MYBL1: variants seen among roughly 807,000 people sequenced by gnomAD.
The protein encoded by MYBL1 is myb-related protein A.
Under a neutral mutation model 96.3 loss-of-function variants are expected in MYBL1, and 17 were observed. The ratio of observed to expected loss-of-function variants is 0.18; its 90% CI spans 0.12 to 0.26. The LOEUF (loss-of-function observed/expected upper bound fraction) is 0.26, where lower values mean the gene tolerates loss of function less well. Ranked by LOEUF, MYBL1 falls within the 10% of genes least tolerant of loss-of-function variation. MYBL1 has a pLI of 1.00. For synonymous variants in MYBL1, 282 were observed against 292.7 expected, an observed-to-expected ratio of 0.96 and a Z score of 0.37; for missense variants, 701 against 882.9, an observed-to-expected ratio of 0.79 and a Z score of 2.61.
At chr8:66,574,792 C>T (rs529126461) in intron 10 of MYBL1, among the ~76,000 whole-genome samples, 3 of 152,294 alleles carry the variant, frequency 2.0e-5, no homozygotes, top group South Asian at 2.1e-4. Context: ...CAGTGGCTCA[C>T]GCCTGTAATC....
intron 4 of MYBL1, among the ~76,000 whole-genome samples, chr8:66,597,863 A>C (rs1473161567): frequency 6.6e-6 from 1 of 150,746 alleles, no homozygotes; most frequent in Non-Finnish European, 1.5e-5. Context: ...AAAAAAAAAA[A>C]AAAAAAAAAA....
At position 66,586,139 on chromosome 8, in the gene MYBL1, A is replaced by T. The variant is rs149994566; in HGVS notation, c.868-5773T>A. ...CAGCTCACTGCACCCTCCACCTCCC[A>T]GGCTCGAGCCATCCTCCCACCTCAG... On this transcript the variant is annotated intron_variant, in intron 8 of 15. Coordinates refer to ENST00000522677, the MANE Select transcript of MYBL1 (RefSeq NM_001080416.4). Among the ~76,000 whole-genome samples, 345 of 136,958 alleles carry T rather than the reference A, an allele frequency of 2.5e-3. 2 individuals carry two copies. The highest frequency in any genetic ancestry group is 9.3e-3 in the African/African-American group (330 of 35,584). 89.8% of individuals were successfully genotyped at this position (136,958 alleles called of 152,430 possible). A position where few individuals can be genotyped will look rare whatever the true frequency, so the allele number is the denominator to read the frequency against.
At chr8:66,598,815 C>A (rs901404417) in intron 4 of MYBL1, among the ~76,000 whole-genome samples, 13 of 152,058 alleles carry the variant, frequency 8.5e-5, no homozygotes, top group Admixed American at 2.6e-4. Context: ...AGTATTTTTC[C>A]TTCTGCAAAC....
chr8:66,583,731 T>C (rs909869751), intron 8 of MYBL1, among the ~76,000 whole-genome samples: 6 of 152,196 alleles, frequency 3.9e-5, no homozygotes, highest in African/African-American at 1.2e-4. Context: ...GATAAACTTC[T>C]GGATAGATAT....
intron 10 of MYBL1, 111 bp from the exon 11 acceptor site, chr8:66,573,617 T>C (rs991802102): frequency 3.9e-5 from 37 of 947,500 alleles, no homozygotes; most frequent in Non-Finnish European, 5.3e-5. Flanking sequence ...AAAAAAAGCT[T>C]ATGAATAATA....
Position 66,564,789 on chromosome 8 carries a change from T to A in MYBL1, c.2167A>T (p.Thr723Ser), listed in dbSNP as rs1030976894. 7 of 1,580,112 alleles carry A rather than the reference T, an allele frequency of 4.4e-6. No homozygotes were observed. The African/African-American group carries it at 8.1e-5, about 18-fold the overall frequency. ...CEWETVVYGKTEDQLIMTEQA... is the reference protein window; with the variant it reads ...CEWETVVYGKSEDQLIMTEQA... ...TCAGTCATAATAAGTTGGTCTTCTGTCTTCCCATAAACCACTGTTTCCCAT... is the reference window on the plus strand; with the variant it reads ...TCAGTCATAATAAGTTGGTCTTCTGACTTCCCATAAACCACTGTTTCCCAT... Residue 723 changes from threonine (T) to serine (S), a missense_variant, in exon 16 of 16, where the codon ACA becomes TCA. Thr to Ser is a moderately conservative substitution (Grantham distance 58). This residue lies in a region of MYBL1 where 137 missense variants were observed against 137.5 expected (regional missense o/e 1.00). Transcript: ENST00000522677.
rs754756792 is a variant in MYBL1 at position 66,566,871 on chromosome 8, A to G, written c.1845+5T>C. ...CTTTTATTAACAATAATACTAGAAG[A>G]TTACCTCTTGTTTGCAGCTTTTGTA... On this transcript the variant is annotated splice_donor_5th_base_variant and intron_variant, in intron 13 of 15. Transcript: ENST00000522677. 1 of 1,602,202 alleles carries G rather than the reference A, an allele frequency of 6.2e-7. No homozygotes were observed. The highest frequency in any genetic ancestry group is 8.5e-7 in the Non-Finnish European group (1 of 1,169,970).
At position 66,593,104 on chromosome 8, in the gene MYBL1, T is replaced by C. The variant is rs1314490488; in HGVS notation, c.762+16A>G. Reference sequence around the variant, plus strand: ...TGAACACATTTCCTTTGGTTTTCGTTATAAATAAAAGTTACCTGAATAAAG... The same window carrying C: ...TGAACACATTTCCTTTGGTTTTCGTCATAAATAAAAGTTACCTGAATAAAG... On this transcript the variant is annotated intron_variant, in intron 7 of 15. Coordinates refer to ENST00000522677, the MANE Select transcript of MYBL1 (RefSeq NM_001080416.4). The C allele has an allele frequency of 1.3e-5, 20 of 1,516,868 alleles. No homozygotes were observed. The highest frequency in any genetic ancestry group is 1.8e-5 in the Non-Finnish European group (20 of 1,115,418). The allele number at this position is 1,516,868 out of a possible 1,614,324, so 94.0% of individuals were successfully genotyped here.
Position 66,573,473 on chromosome 8 carries a change from T to G in MYBL1, c.1504A>C (p.Asn502His), listed in dbSNP as rs1454910559. The change falls in exon 11 of 16, where the codon AAT becomes CAT. Residue 502 changes from asparagine (N) to histidine (H), a missense_variant. Around this residue, in one of 5 missense-constraint regions of MYBL1, gnomAD observed 396 missense variants for 407.4 expected, o/e 0.97. Transcript: ENST00000522677. ...FNTCPGNEQL[N>H]IENPSFTSTP... ...GATGTAAATGAAGGATTTTCTATAT[T>G]AAGTTGTTCATTACCAGGACATGTG... 1 of 1,610,128 alleles carries G rather than the reference T, an allele frequency of 6.2e-7. No homozygotes were observed. The highest frequency in any genetic ancestry group is 8.5e-7 in the Non-Finnish European group (1 of 1,178,256).
At chr8:66,596,300 T>C (rs1586588957) in intron 5 of MYBL1, among the ~76,000 whole-genome samples, 1 of 152,312 alleles carries the variant, frequency 6.6e-6, no homozygotes, top group South Asian at 2.1e-4. Context: ...GTATTCTTTT[T>C]CACTTCTTAG....
intron 12 of MYBL1, among the ~76,000 whole-genome samples, chr8:66,570,327 T>C (rs76670979): frequency 2.0e-5 from 3 of 150,952 alleles, no homozygotes; most frequent in East Asian, 1.9e-4. Context: ...TTTTTTTTTT[T>C]CAAACAGAGC....
chr8:66,607,021 G>A (rs1810342240), intron 1 of MYBL1, among the ~76,000 whole-genome samples: 1 of 151,940 alleles, frequency 6.6e-6, no homozygotes, highest in Non-Finnish European at 1.5e-5. Flanking sequence ...TCGAACTCCT[G>A]ACCTCAGGTG....
intron 1 of MYBL1, among the ~76,000 whole-genome samples, chr8:66,610,503 T>C (rs906222369): frequency 6.6e-6 from 1 of 152,034 alleles, no homozygotes; most frequent in African/African-American, 2.4e-5. Flanking sequence ...TAGTTTTCAC[T>C]TGAACGCTTA....
intron 12 of MYBL1, 31 bp from the exon 13 acceptor site, chr8:66,567,023 T>G (rs1459288978): frequency 6.9e-7 from 1 of 1,449,410 alleles, no homozygotes; most frequent in Non-Finnish European, 9.6e-7. Context: ...TTGTAAAAAG[T>G]CATTTATAGC....
At chr8:66,596,090 T>TA (rs1809839540) in intron 5 of MYBL1, among the ~76,000 whole-genome samples, 1 of 151,744 alleles carries the variant, frequency 6.6e-6, no homozygotes, top group Non-Finnish European at 1.5e-5. Flanking sequence ...AATAAATGAA[T>TA]AAAAAATTCA....
chr8:66,602,330 C>T (rs916258823), intron 2 of MYBL1, 88 bp downstream of exon 2: 11 of 831,782 alleles, frequency 1.3e-5, no homozygotes, highest in South Asian at 6.5e-5. Flanking sequence ...GGATTACAGG[C>T]GTGAGCCACC....
At chr8:66,577,616 G>A (rs1181695840) in intron 9 of MYBL1, among the ~76,000 whole-genome samples, 9 of 151,978 alleles carry the variant, frequency 5.9e-5, no homozygotes, top group African/African-American at 1.7e-4. Flanking sequence ...ATGCTCATGG[G>A]TAGGAAGAAT....
Position 66,580,204 on chromosome 8 carries a change from C to G in MYBL1, c.1030G>C (p.Glu344Gln). 1.2e-6 allele frequency: 2 copies of G among 1,613,914 alleles called. No individual in the cohort carries two copies. The highest frequency in any genetic ancestry group is 1.7e-6 in the Non-Finnish European group (2 of 1,179,866). The change falls in exon 9 of 16, where the codon GAG becomes CAG. Residue 344 changes from glutamate to glutamine, a missense_variant. Transcript: ENST00000522677. ...AAAGAGGATAACACAGCGTTTGCCT[C>G]CACGGCCAGGAACTTTGTGGGTGAA... is the stretch of plus-strand genomic sequence containing the variant. ...QNSPTKFLAV[E>Q]ANAVLSSLQT... is the part of the protein sequence containing the mutation.
intron 1 of MYBL1, among the ~76,000 whole-genome samples, chr8:66,608,609 T>C (rs967099346): frequency 6.6e-6 from 1 of 152,114 alleles, no homozygotes; most frequent in Non-Finnish European, 1.5e-5. Flanking sequence ...ACTGCACCAA[T>C]ATCCCACTTT....
Sources: gnomAD v4.1 joint callset for allele counts (sites outside exome capture counted in the v4.1 genomes callset) on GRCh38, gnomAD v4.1.1 for gene constraint, gnomAD v4.1.1 regional missense constraint, MANE v1.5 for transcripts, NCBI Gene and HGNC (gene_info 2026-07-23, HGNC 2026-07-21) for gene names.